Variants in MYO18B observed in about 807,000 individuals in gnomAD.
The protein encoded by MYO18B is myosin XVIIIB.
Under a neutral mutation model 273.0 loss-of-function variants are expected in MYO18B, and 204 were observed. The observed-to-expected ratio is 0.75, with a 90% CI of 0.67 to 0.84. The LOEUF is 0.84. MYO18B is among the 40% of genes least tolerant of loss of function. MYO18B has a pLI of 0.00. For missense variants in MYO18B, 3,212 were observed against 3,287.6 expected, an observed-to-expected ratio of 0.98 and a Z score of 0.56; for synonymous variants, 1,330 against 1,305.7, an observed-to-expected ratio of 1.02 and a Z score of -0.40.
chr22:26,034,333 G>C (rs1015607927), downstream of MYO18B, among the ~76,000 whole-genome samples: 1 of 152,208 alleles, frequency 6.6e-6, no homozygotes, highest in Admixed American at 6.5e-5. Flanking sequence ...CCTGGCCTGG[G>C]CTTTGCCACT....
chr22:25,867,651 A>G (rs1160841281), intron 21 of MYO18B, among the ~76,000 whole-genome samples: 3 of 100,096 alleles, frequency 3.0e-5, no homozygotes, highest in African/African-American at 1.2e-4. Flanking sequence ...TTTTTTTGAG[A>G]CGGAGTCTCG....
intron 42 of MYO18B, among the ~76,000 whole-genome samples, chr22:26,024,394 C>T (rs1165426525): frequency 6.6e-6 from 1 of 152,056 alleles, no homozygotes; most frequent in East Asian, 1.9e-4. Context: ...TCCTGCAAGA[C>T]CCAGAAGCAG....
intron 1 of MYO18B, among the ~76,000 whole-genome samples, chr22:25,748,769 C>T (rs978422441): frequency 1.3e-5 from 2 of 152,216 alleles, no homozygotes; most frequent in Non-Finnish European, 2.9e-5. Context: ...CCCTTTCTCA[C>T]CTTCATGTGT....
At chr22:25,815,947 A>G (rs1287407097) in intron 12 of MYO18B, among the ~76,000 whole-genome samples, 1 of 152,212 alleles carries the variant, frequency 6.6e-6, no homozygotes, top group Non-Finnish European at 1.5e-5. Flanking sequence ...TGGATTATGC[A>G]TAACTCAGCA....
chr22:25,745,963 C>T (rs1016096161), intron 1 of MYO18B, among the ~76,000 whole-genome samples: 4 of 152,222 alleles, frequency 2.6e-5, no homozygotes, highest in African/African-American at 9.6e-5. Context: ...GTTATTAGCC[C>T]CATTTTACAG....
chr22:25,804,810 G>C (rs2088390477), intron 12 of MYO18B, among the ~76,000 whole-genome samples: 2 of 152,262 alleles, frequency 1.3e-5, no homozygotes, highest in Non-Finnish European at 1.5e-5. Flanking sequence ...ACTTGCATTA[G>C]ATGTTGCCTG....
At chr22:25,864,747 G>A (rs1476674500) in intron 21 of MYO18B, among the ~76,000 whole-genome samples, 4 of 152,226 alleles carry the variant, frequency 2.6e-5, no homozygotes, top group African/African-American at 9.6e-5. Flanking sequence ...CAAGTTATGT[G>A]TAAAGCAGTT....
At chr22:25,923,768 C>G (rs907980614) in intron 34 of MYO18B, among the ~76,000 whole-genome samples, 2 of 152,188 alleles carry the variant, frequency 1.3e-5, no homozygotes, top group Non-Finnish European at 2.9e-5. Context: ...CATACCTGCC[C>G]ATTTTCCATC....
intron 34 of MYO18B, among the ~76,000 whole-genome samples, chr22:25,924,476 A>C (rs1431521151): frequency 1.3e-5 from 2 of 152,264 alleles, no homozygotes; most frequent in Non-Finnish European, 1.5e-5. Context: ...AAAAGAAGAC[A>C]AACAATGATA....
chr22:26,027,598 T>A lies in MYO18B; in HGVS notation c.7624T>A (p.Ser2542Thr). Residue 2542 changes from serine (S) to threonine (T), a missense_variant, in exon 43 of 44, where the codon TCC becomes ACC. By Grantham distance (58) the Ser-to-Thr change is moderately conservative. Transcript: ENST00000335473. The surrounding 1 kb of genome is among the most constrained non-coding windows in gnomAD (Gnocchi z 4.1). ...TGCGGGTGACGGTGGCGAGCGAACG[T>A]CCCCCGAGCGGAGAGAGCCAGGGAC... is the stretch of plus-strand genomic sequence containing the variant. ...RLAGDGGERT[S>T]PERREPGTGR... is the part of the protein sequence containing the mutation. 6.2e-7 allele frequency: 1 copy of A among 1,613,126 alleles called. No homozygotes were observed. The highest frequency in any genetic ancestry group is 8.5e-7 in the Non-Finnish European group (1 of 1,179,694).
chr22:25,826,704 G>A (rs184448941), intron 14 of MYO18B, among the ~76,000 whole-genome samples: 128 of 152,234 alleles, frequency 8.4e-4, no homozygotes, highest in African/African-American at 2.4e-3. Context: ...CCCTTTCCTC[G>A]TCTGTACAAT....
intron 1 of MYO18B, among the ~76,000 whole-genome samples, chr22:25,755,746 C>T (rs1227055852): frequency 6.6e-6 from 1 of 152,116 alleles, no homozygotes; most frequent in Non-Finnish European, 1.5e-5. Flanking sequence ...TTCCCTCCTC[C>T]CTCTCTCTGT....
chr22:26,023,923 A>G (rs922119914), intron 42 of MYO18B, among the ~76,000 whole-genome samples: 9 of 152,244 alleles, frequency 5.9e-5, no homozygotes, highest in African/African-American at 1.7e-4. Context: ...GGGAATCACA[A>G]AAGAGCCCTC....
the MYO18B span, among the ~76,000 whole-genome samples, chr22:26,036,114 T>C: frequency 1.3e-5 from 2 of 152,108 alleles, no homozygotes; most frequent in Non-Finnish European, 2.9e-5. Context: ...GAGGCAGGTG[T>C]CAAAGGATGT....
intron 34 of MYO18B, among the ~76,000 whole-genome samples, chr22:25,925,275 G>T (rs2092403363): frequency 6.6e-6 from 1 of 151,820 alleles, no homozygotes; most frequent in Admixed American, 6.6e-5. Context: ...TGGAATTCAG[G>T]ATCTGCATTT....
rs1372781412 is a variant in MYO18B, at chr22:25,999,403, G to C, written c.6288-3862G>C. Reference sequence around the variant, plus strand: ...CAACATTTGCATTTAGACTGGAATTGTCTGGCAAAGACTGACCCTAAAGAA... The same window carrying C: ...CAACATTTGCATTTAGACTGGAATTCTCTGGCAAAGACTGACCCTAAAGAA... On this transcript the variant is annotated intron_variant, in intron 40 of 43. Transcript: ENST00000335473. 2.0e-5 allele frequency among the ~76,000 whole-genome samples: 3 copies of C among 152,128 alleles called. No homozygotes were observed. The East Asian group carries it at 5.8e-4, about 29-fold the overall frequency.
chr22:26,003,167 A>G (rs1934118411), intron 40 of MYO18B, 98 bp from the exon 41 acceptor site: 2 of 1,074,630 alleles, frequency 1.9e-6, no homozygotes, highest in Non-Finnish European at 2.8e-6. Flanking sequence ...AAAGGTTGGA[A>G]GTGGGATTCA....
intron 32 of MYO18B, among the ~76,000 whole-genome samples, 184 bp from the exon 33 acceptor site, chr22:25,910,762 A>G (rs1474432648): frequency 6.6e-6 from 1 of 152,138 alleles, no homozygotes; most frequent in Non-Finnish European, 1.5e-5. Context: ...ACTGTTGTCC[A>G]GCTCCCAAGC....
chr22:25,871,379 A>G (rs2091040503), intron 22 of MYO18B, among the ~76,000 whole-genome samples: 1 of 152,242 alleles, frequency 6.6e-6, no homozygotes, highest in South Asian at 2.1e-4. Context: ...GTGAGGCAAG[A>G]GGCTTATCAA....
Sources: gnomAD v4.1 joint callset for allele counts (sites outside exome capture counted in the v4.1 genomes callset) on GRCh38, gnomAD v4.1.1 for gene constraint, Gnocchi (gnomAD v3.1) non-coding constraint, MANE v1.5 for transcripts, NCBI Gene and HGNC (gene_info 2026-07-23, HGNC 2026-07-21) for gene names.